The following ZNF791 variants were observed in gnomAD, a reference collection of about 807,000 sequenced individuals.
ZNF791 encodes the protein zinc finger protein 791.
Under a neutral mutation model 11.5 loss-of-function variants are expected in ZNF791, and 4 were observed. That is an observed-to-expected ratio of 0.35 (90% CI 0.17 to 0.80). The LOEUF is 0.80. Ranked by LOEUF, ZNF791 falls within the 30% of genes least tolerant of loss-of-function variation. The pLI is 0.53. For synonymous variants in ZNF791, 212 were observed against 228.1 expected (o/e 0.93, Z 0.64); for missense variants, 559 against 699.4 (o/e 0.80, Z 2.26).
At chr19:12,626,135 G>A (rs540868339) in intron 3 of ZNF791, among the ~76,000 whole-genome samples, 4 of 152,280 alleles carry the variant, frequency 2.6e-5, no homozygotes, top group African/African-American at 4.8e-5. Context: ...TTCTGCCTCC[G>A]CCTCCCAGGT....
Position 12,632,380 on chromosome 19 carries a change from G to A in ZNF791, c.*3120G>A, listed in dbSNP as rs1048708359. On this transcript the variant is annotated 3_prime_UTR_variant, in exon 4 of 4. Transcript: ENST00000343325. The stretch of plus-strand genomic sequence containing the variant: ...TTGTTCTCTGAATAAAGAGATTGTT[G>A]AATACTGACACACTGTAACTAGGAT... 6.6e-6 allele frequency: 1 copy of A among 151,904 alleles called. No homozygotes were observed. Among genetic ancestry groups the A allele is most frequent in the African/African-American group, 2.4e-5 (1 of 41,336 alleles). The allele number at this position is 151,904 out of a possible 1,614,324, so 9.4% of individuals were successfully genotyped here. A position where few individuals can be genotyped will look rare whatever the true frequency, so the allele number is the denominator to read the frequency against.
In ZNF791 at chr19:12,630,141, CAGTG is replaced by C. The variant is rs1156846268; in HGVS notation, c.*884_*887del. On this transcript the variant is annotated 3_prime_UTR_variant, in exon 4 of 4. Transcript: ENST00000343325. ...CGTGATGGCAGTCCAGCATGGGTGA[CAGTG>C]AGACTGTATCAAAAAAAAAAAAAAA... 2.1e-5 allele frequency: 3 copies of C among 140,010 alleles called. No individual in the cohort carries two copies. Among genetic ancestry groups the C allele is most frequent in the South Asian group, 2.2e-4 (1 of 4,494 alleles). 8.7% of individuals were successfully genotyped at this position (140,010 alleles called of 1,614,324 possible). A position where few individuals can be genotyped will look rare whatever the true frequency, so the allele number is the denominator to read the frequency against.
intron 1 of ZNF791, 109 bp from the exon 2 acceptor site, chr19:12,623,591 G>A: frequency 7.3e-7 from 1 of 1,369,654 alleles, no homozygotes. Flanking sequence ...ATTGAGTCAT[G>A]CACTAAATGT....
intron 3 of ZNF791, 46 bp downstream of exon 3, chr19:12,624,756 T>G: frequency 6.7e-7 from 1 of 1,501,470 alleles, no homozygotes; most frequent in Non-Finnish European, 9.1e-7. Flanking sequence ...GAAAGAATCT[T>G]AAAAATGTTA....
At chr19:12,620,884 C>T (rs1386086860) in intron 1 of ZNF791, among the ~76,000 whole-genome samples, 1 of 150,486 alleles carries the variant, frequency 6.6e-6, no homozygotes, top group Non-Finnish European at 1.5e-5. Flanking sequence ...CCTCTGCCTC[C>T]CGAGTAGCTG....
At chr19:12,613,948 A>G (rs1233584975) in intron 1 of ZNF791, among the ~76,000 whole-genome samples, 1 of 152,172 alleles carries the variant, frequency 6.6e-6, no homozygotes, top group African/African-American at 2.4e-5. Flanking sequence ...CTTCCGTAAT[A>G]TAGGTGTACT....
At chr19:12,627,667 C>T in intron 3 of ZNF791, 54 bp from the exon 4 acceptor site, 2 of 1,421,022 alleles carry the variant, frequency 1.4e-6, no homozygotes, top group Non-Finnish European at 1.9e-6. Context: ...CCCGATAATA[C>T]ATATAAAATC....
chr19:12,613,870 G>A (rs552756257), intron 1 of ZNF791, among the ~76,000 whole-genome samples: 2 of 152,260 alleles, frequency 1.3e-5, no homozygotes, highest in East Asian at 1.9e-4. Flanking sequence ...GGGGAAGAGG[G>A]GAGGATGTCT....
At position 12,629,849 on chromosome 19, in the gene ZNF791, C is replaced by T. The variant is rs559948123; in HGVS notation, c.*589C>T. 2.8e-4 allele frequency: 37 copies of T among 132,948 alleles called. No homozygotes were observed. Among genetic ancestry groups the T allele is most frequent in the African/African-American group, 8.4e-4 (29 of 34,448 alleles). The allele number at this position is 132,948 out of a possible 1,614,324, so 8.2% of individuals were successfully genotyped here. Reference sequence around the variant, plus strand: ...GTGAGCTGAGATCCGGCCAACAGAGCGAGACTCTGTCTCAAAAAAAAAAAA... The same window carrying T: ...GTGAGCTGAGATCCGGCCAACAGAGTGAGACTCTGTCTCAAAAAAAAAAAA... On this transcript the variant is annotated 3_prime_UTR_variant, in exon 4 of 4. Coordinates refer to ENST00000343325, the MANE Select transcript of ZNF791 (RefSeq NM_153358.3).
intron 1 of ZNF791, among the ~76,000 whole-genome samples, chr19:12,620,268 C>T (rs1467250790): frequency 1.3e-5 from 2 of 152,026 alleles, no homozygotes; most frequent in Admixed American, 6.6e-5. Flanking sequence ...CTTGACTTTG[C>T]AGGCTCAAGC....
chr19:12,622,389 A>AT (rs1491444426), intron 1 of ZNF791, among the ~76,000 whole-genome samples: 4 of 26,518 alleles, frequency 1.5e-4, no homozygotes, highest in African/African-American at 4.3e-4. Flanking sequence ...AAAAAAAATA[A>AT]TAAAAAAAAG....
At chr19:12,626,738 G>A (rs1218251511) in intron 3 of ZNF791, among the ~76,000 whole-genome samples, 3 of 151,724 alleles carry the variant, frequency 2.0e-5, no homozygotes, top group Non-Finnish European at 4.4e-5. Context: ...CCGAGTAGCT[G>A]GGACTACAGG....
chr19:12,618,808 AGTGTGTGTGTGTGTGTGTGTGT>A (rs60468264), intron 1 of ZNF791, among the ~76,000 whole-genome samples: 17 of 143,610 alleles, frequency 1.2e-4, no homozygotes, highest in African/African-American at 3.4e-4. Context: ...TTTACCTCTC[AGTGTGTGTGTGTGTGTGTGTGT>A]GTGTGTGTGT....
At chr19:12,626,683 C>T (rs1248124415) in intron 3 of ZNF791, among the ~76,000 whole-genome samples, 1 of 152,126 alleles carries the variant, frequency 6.6e-6, no homozygotes, top group Non-Finnish European at 1.5e-5. Context: ...CAGCTCACTG[C>T]AAGCTCCGCC....
At chr19:12,611,164 G>A in intron 1 of ZNF791, 82 bp downstream of exon 1, 1 of 1,573,934 alleles carries the variant, frequency 6.4e-7, no homozygotes, top group Non-Finnish European at 8.7e-7. Flanking sequence ...CGGCCGCAGT[G>A]TGGGGCTGGG....
chr19:12,623,678 C>T (rs1297954722), intron 1 of ZNF791, 22 bp from the exon 2 acceptor site: 4 of 1,613,656 alleles, frequency 2.5e-6, no homozygotes, highest in Non-Finnish European at 3.4e-6. Flanking sequence ...CACCTATTCT[C>T]TACTTATATT....
At position 12,625,005 on chromosome 19, in the gene ZNF791, G is replaced by A. The variant is rs900493087; in HGVS notation, c.191+295G>A. On this transcript the variant is annotated intron_variant, in intron 3 of 3. Transcript: ENST00000343325. ...GCAGAGGTTGCAGCGAGCCGAGATC[G>A]CGCCACTGCACTCCAGCCTGGGCAA... 3.4e-4 allele frequency among the ~76,000 whole-genome samples: 52 copies of A among 151,732 alleles called. 1 individual carries two copies. Among genetic ancestry groups the A allele is most frequent in the Middle Eastern group, 6.8e-3 (2 of 292 alleles).
intron 1 of ZNF791, among the ~76,000 whole-genome samples, chr19:12,615,509 G>A (rs968705679): frequency 6.6e-6 from 1 of 151,976 alleles, no homozygotes; most frequent in Admixed American, 6.6e-5. Context: ...GGCCGGGCAC[G>A]ATGGCTCATG....
chr19:12,616,042 A>G (rs1167739923), intron 1 of ZNF791, among the ~76,000 whole-genome samples: 2 of 152,166 alleles, frequency 1.3e-5, no homozygotes, highest in African/African-American at 2.4e-5. Context: ...TTCCATTTCC[A>G]TTGGCAAGGA....
Sources: allele counts gnomAD v4.1 joint callset (sites outside exome capture counted in the v4.1 genomes callset), GRCh38; gene constraint gnomAD v4.1.1; transcripts MANE v1.5; gene names NCBI Gene and HGNC (gene_info 2026-07-23, HGNC 2026-07-21).